RARB: variants seen among roughly 807,000 people sequenced by gnomAD.
RARB encodes the protein HBV-activated protein.
In RARB, 17 loss-of-function variants were observed where a neutral mutation model predicts 51.9. That is an observed-to-expected ratio of 0.33 (90% CI 0.22 to 0.49). The LOEUF is 0.49. Ranked by LOEUF, RARB falls within the 20% of genes least tolerant of loss-of-function variation. The pLI, the probability that RARB is intolerant of heterozygous loss-of-function variation, is 0.99. For synonymous variants in RARB, 215 were observed against 195.4 expected (o/e 1.10, Z -0.84); for missense variants, 369 against 550.8 (o/e 0.67, Z 3.30).
At chr3:24,910,436 T>C (rs1296501726) in intron 2 of RARB, among the ~76,000 whole-genome samples, 1 of 152,222 alleles carries the variant, frequency 6.6e-6, no homozygotes, top group Non-Finnish European at 1.5e-5. Context: ...GGATGACATG[T>C]TTTGATAAAT....
chr3:25,465,935 C>T (rs1695409658), intron 2 of RARB, among the ~76,000 whole-genome samples: 2 of 152,100 alleles, frequency 1.3e-5, no homozygotes, highest in Non-Finnish European at 2.9e-5. Flanking sequence ...TTTTACATTT[C>T]AACTTTTGTA....
chr3:25,237,780 T>C (rs1175284191), intron 5 of RARB, among the ~76,000 whole-genome samples: 1 of 152,132 alleles, frequency 6.6e-6, no homozygotes, highest in African/African-American at 2.4e-5. Context: ...TCTAGTCTAC[T>C]CTACTTTTAA....
At chr3:24,918,667 G>A (rs1006391491) in intron 2 of RARB, among the ~76,000 whole-genome samples, 1 of 152,206 alleles carries the variant, frequency 6.6e-6, no homozygotes, top group Non-Finnish European at 1.5e-5. Context: ...CAGATTGCCT[G>A]AAGTCAGGAG....
At chr3:25,026,224 A>C (rs1210972721) in intron 2 of RARB, among the ~76,000 whole-genome samples, 1 of 152,214 alleles carries the variant, frequency 6.6e-6, no homozygotes, top group African/African-American at 2.4e-5. Context: ...CCCATGTGTA[A>C]GGAGATCCAA....
intron 2 of RARB, among the ~76,000 whole-genome samples, chr3:24,902,101 G>T (rs1264556048): frequency 6.6e-6 from 1 of 152,128 alleles, no homozygotes. Context: ...CATAATCATT[G>T]TACTAGATTG....
chr3:25,428,362 G>A lies in RARB; in HGVS notation c.-370G>A. On this transcript the variant is annotated 5_prime_UTR_variant, in exon 1 of 8. Transcript: ENST00000330688. ...CCCCCATGCGAGCTGTTTGAGGACTGGGATGCCGAGAACGCGAGCGATCCG... is the reference window on the plus strand; with the variant it reads ...CCCCCATGCGAGCTGTTTGAGGACTAGGATGCCGAGAACGCGAGCGATCCG... 8.0e-7 allele frequency: 1 copy of A among 1,249,374 alleles called. No individual in the cohort carries two copies. The allele number at this position is 1,249,374 out of a possible 1,614,324, so 77.4% of individuals were successfully genotyped here.
chr3:25,260,547 C>T (rs1304524580), intron 5 of RARB, among the ~76,000 whole-genome samples: 1 of 152,014 alleles, frequency 6.6e-6, no homozygotes, highest in East Asian at 1.9e-4. Context: ...AAGCCATATC[C>T]AAGGAGTAGA....
At chr3:25,494,251 A>ACACACACACGCACGCGTGCGCGCG (rs1443411582) in intron 2 of RARB, among the ~76,000 whole-genome samples, 2 of 77,106 alleles carry the variant, frequency 2.6e-5, no homozygotes, top group Non-Finnish European at 4.5e-5. Flanking sequence ...GCTGTATCTT[A>ACACACACACGCACGCGTGCGCGCG]CGCACACACA....
intron 5 of RARB, among the ~76,000 whole-genome samples, chr3:25,210,877 C>T (rs1047253639): frequency 8.6e-5 from 13 of 152,022 alleles, no homozygotes; most frequent in African/African-American, 3.1e-4. Context: ...GACTCTTGCT[C>T]TAGACCTACC....
At chr3:25,120,526 A>ATTCTCTCTCTCT (rs1699765923) in intron 3 of RARB, among the ~76,000 whole-genome samples, 1 of 54,016 alleles carries the variant, frequency 1.9e-5, no homozygotes, top group African/African-American at 5.8e-5. Context: ...TATATATAAA[A>ATTCTCTCTCTCT]ATCTCTCTCT....
rs116334745 is a variant in RARB, at chr3:25,175,296, A to G, written c.178+721A>G. Among the ~76,000 whole-genome samples the G allele has an allele frequency of 4.5e-3, 685 of 152,320 alleles. 14 individuals carry two copies. The highest frequency in any genetic ancestry group is 0.041 in the South Asian group (197 of 4,824). On this transcript the variant is annotated intron_variant, in intron 5 of 11. Coordinates refer to the RARB transcript ENST00000383772. Reference sequence around the variant, plus strand: ...TAGCCAGCGAGCTTTTCCACCTGTTAATAACAACTTACTTGGTTTAGCATC... The same window carrying G: ...TAGCCAGCGAGCTTTTCCACCTGTTGATAACAACTTACTTGGTTTAGCATC...
At chr3:25,075,384 C>G (rs1428576746) in intron 3 of RARB, among the ~76,000 whole-genome samples, 1 of 152,110 alleles carries the variant, frequency 6.6e-6, no homozygotes, top group Non-Finnish European at 1.5e-5. Flanking sequence ...CCCACAGAAA[C>G]CTTTTCTGTG....
intron 1 of RARB, among the ~76,000 whole-genome samples, chr3:24,836,945 G>A (rs1201267653): frequency 1.3e-5 from 2 of 152,180 alleles, no homozygotes; most frequent in Non-Finnish European, 2.9e-5. Flanking sequence ...CCAGTCTAAA[G>A]GTTGGATGTC....
chr3:25,050,630 A>C (rs545277142), intron 2 of RARB, among the ~76,000 whole-genome samples: 49 of 152,136 alleles, frequency 3.2e-4, no homozygotes, highest in Non-Finnish European at 6.2e-4. Context: ...CTTGTATTTC[A>C]TTCCAATATT....
chr3:25,331,230 C>A lies in RARB; in HGVS notation c.179-129963C>A, dbSNP rs528708579. ...AAATCAACAGAATATACATTCATCT[C>A]AGCACCACATCGCACTTATTCCAAA... On this transcript the variant is annotated intron_variant, in intron 5 of 11. Coordinates refer to the RARB transcript ENST00000383772. Among the ~76,000 whole-genome samples, 189 of 152,320 alleles carry A rather than the reference C, an allele frequency of 1.2e-3. 1 individual carries two copies. Among genetic ancestry groups the A allele is most frequent in the Non-Finnish European group, 2.1e-3 (146 of 68,034 alleles).
chr3:25,507,589 A>G (rs1246083882), intron 3 of RARB, among the ~76,000 whole-genome samples: 1 of 152,170 alleles, frequency 6.6e-6, no homozygotes, highest in Non-Finnish European at 1.5e-5. Context: ...TTTGCCAGTG[A>G]AAAAGGCTGA....
At chr3:25,572,223 G>A (rs1227133062) in intron 4 of RARB, among the ~76,000 whole-genome samples, 1 of 152,174 alleles carries the variant, frequency 6.6e-6, no homozygotes, top group African/African-American at 2.4e-5. Context: ...GCCTGGCGGA[G>A]TCTTGAGTGC....
chr3:25,288,418 T>C (rs1703707304), intron 5 of RARB, among the ~76,000 whole-genome samples: 2 of 152,200 alleles, frequency 1.3e-5, no homozygotes, highest in Non-Finnish European at 2.9e-5. Flanking sequence ...TTGCAGCTAA[T>C]TGAAGCAAAG....
At chr3:24,920,481 C>T (rs1277377245) in intron 2 of RARB, among the ~76,000 whole-genome samples, 1 of 152,158 alleles carries the variant, frequency 6.6e-6, no homozygotes, top group African/African-American at 2.4e-5. Context: ...ACTGTAGCTT[C>T]AGCTGTTAAT....
Sources: gnomAD v4.1 joint callset for allele counts (sites outside exome capture counted in the v4.1 genomes callset) on GRCh38, gnomAD v4.1.1 for gene constraint, MANE v1.5 for transcripts, NCBI Gene and HGNC (gene_info 2026-07-23, HGNC 2026-07-21) for gene names.